The following ZPLD1 variants were observed in gnomAD, a reference collection of about 807,000 sequenced individuals.
The protein encoded by ZPLD1 is zona pellucida-like domain-containing protein 1.
In ZPLD1, 34 loss-of-function variants were observed where a neutral mutation model predicts 47.2. That is an observed-to-expected ratio of 0.72 (90% CI 0.55 to 0.96). The LOEUF (loss-of-function observed/expected upper bound fraction) is 0.96, where lower values mean the gene tolerates loss of function less well. Ranked by LOEUF, ZPLD1 falls within the 40% of genes least tolerant of loss-of-function variation. The pLI is 0.00. For synonymous variants in ZPLD1, 176 were observed against 186.2 expected, an observed-to-expected ratio of 0.95 and a Z score of 0.45; for missense variants, 512 against 505.8, an observed-to-expected ratio of 1.01 and a Z score of -0.12.
intron 8 of ZPLD1, among the ~76,000 whole-genome samples, chr3:102,420,621 T>A (rs2107305950): frequency 6.6e-6 from 1 of 151,972 alleles, no homozygotes; most frequent in Non-Finnish European, 1.5e-5. Context: ...TTTCAACCAT[T>A]TGAAAAATGT....
At chr3:102,388,455 C>CTG (rs55700835) in intron 6 of ZPLD1, among the ~76,000 whole-genome samples, 5,171 of 135,408 alleles carry the variant, frequency 0.038, 212 homozygotes, top group African/African-American at 0.11. Flanking sequence ...CTCTCTCTGT[C>CTG]TGTGTGTGTG....
intron 10 of ZPLD1, among the ~76,000 whole-genome samples, chr3:102,474,635 A>G (rs1411612736): frequency 6.6e-6 from 1 of 152,190 alleles, no homozygotes; most frequent in African/African-American, 2.4e-5. Flanking sequence ...AGAGAAAAAA[A>G]TTATTCTGCA....
At chr3:102,393,599 T>G (rs16845008) in intron 7 of ZPLD1, among the ~76,000 whole-genome samples, 1 of 151,600 alleles carries the variant, frequency 6.6e-6, no homozygotes, top group African/African-American at 2.4e-5. Context: ...CCTAACCTGA[T>G]GTATGCTGAG....
At chr3:102,442,162 G>A (rs1029446502) in intron 3 of ZPLD1, among the ~76,000 whole-genome samples, 1 of 152,056 alleles carries the variant, frequency 6.6e-6, no homozygotes, top group African/African-American at 2.4e-5. Context: ...AGTAAATGCT[G>A]TCAGAAAAAG....
At chr3:102,396,051 A>G (rs924414641) in intron 7 of ZPLD1, among the ~76,000 whole-genome samples, 1 of 152,080 alleles carries the variant, frequency 6.6e-6, no homozygotes, top group Non-Finnish European at 1.5e-5. Flanking sequence ...TTGTTAATTC[A>G]TGGTTCAATT....
chr3:102,466,330 A>G (rs935758479), intron 8 of ZPLD1, among the ~76,000 whole-genome samples: 1 of 152,190 alleles, frequency 6.6e-6, no homozygotes, highest in East Asian at 1.9e-4. Context: ...TAGGGGTCCT[A>G]AAAATTTTAG....
chr3:102,433,519 G>A (rs1301438918), upstream of ZPLD1, among the ~76,000 whole-genome samples: 1 of 152,084 alleles, frequency 6.6e-6, no homozygotes, highest in East Asian at 1.9e-4. Context: ...TTTTTGAAAA[G>A]AACAATATTC....
chr3:102,441,438 T>C (rs1688174258), intron 3 of ZPLD1, among the ~76,000 whole-genome samples: 1 of 152,112 alleles, frequency 6.6e-6, no homozygotes, highest in East Asian at 1.9e-4. Flanking sequence ...AATCTGTATC[T>C]TAAACCCTGC....
intron 7 of ZPLD1, among the ~76,000 whole-genome samples, chr3:102,399,808 G>A (rs1706599070): frequency 6.6e-6 from 1 of 151,800 alleles, no homozygotes; most frequent in South Asian, 2.1e-4. Flanking sequence ...CAGAGAGTTT[G>A]TTTGTTTGTT....
At chr3:102,402,804 T>C (rs1158072807) in intron 7 of ZPLD1, among the ~76,000 whole-genome samples, 1 of 151,992 alleles carries the variant, frequency 6.6e-6, no homozygotes, top group Non-Finnish European at 1.5e-5. Flanking sequence ...TCAGTCTGCA[T>C]TGTTAAATGT....
At chr3:102,453,399 A>T (rs182386911) in intron 4 of ZPLD1, among the ~76,000 whole-genome samples, 1 of 152,292 alleles carries the variant, frequency 6.6e-6, no homozygotes, top group Admixed American at 6.5e-5. Context: ...TGTGTGAGTG[A>T]CACTGACGGA....
chr3:102,430,115 G>A (rs1706999832), upstream of ZPLD1, among the ~76,000 whole-genome samples: 1 of 152,146 alleles, frequency 6.6e-6, no homozygotes, highest in South Asian at 2.1e-4. Flanking sequence ...TGCCTACAGG[G>A]AGACAACTTC....
intron 6 of ZPLD1, among the ~76,000 whole-genome samples, chr3:102,460,833 G>T (rs182112410): frequency 1.3e-5 from 2 of 151,960 alleles, no homozygotes; most frequent in East Asian, 1.9e-4. Flanking sequence ...GCATTCTTCT[G>T]CACAATAATG....
intron 2 of ZPLD1, 128 bp downstream of exon 2, chr3:102,437,101 G>A (rs1707103046): frequency 3.2e-6 from 1 of 309,892 alleles, no homozygotes; most frequent in Admixed American, 6.5e-5. Context: ...TGATGGCGCA[G>A]GTATGGCCAA....
rs1015385154 is a variant in ZPLD1, at chr3:102,477,587, T to G, written c.1217T>G (p.Leu406Trp). 6.2e-7 allele frequency: 1 copy of G among 1,613,076 alleles called. No homozygotes were observed. Among genetic ancestry groups the G allele is most frequent in the African/African-American group, 1.3e-5 (1 of 74,902 alleles). ...AGGAAGGGACCCACAAGTTTAGTGT[T>G]GAATGGCATAAGAAACCCAGTCTTT... ...LHRKGPTSLV[L>W]NGIRNPVFD is the part of the protein sequence containing the mutation. Residue 406 changes from leucine to tryptophan, a missense_variant, in exon 12 of 12, where the codon TTG (leucine) becomes TGG (tryptophan). Physicochemically the swap from Leu to Trp is moderately conservative, Grantham distance 61. Transcript: ENST00000466937.
chr3:102,449,449 G>A (rs1707304399), intron 3 of ZPLD1, among the ~76,000 whole-genome samples: 1 of 149,314 alleles, frequency 6.7e-6, no homozygotes. Flanking sequence ...AAAATACTAA[G>A]TGGAAAATTC....
intron 7 of ZPLD1, among the ~76,000 whole-genome samples, chr3:102,393,730 G>A (rs547957698): frequency 2.0e-5 from 3 of 151,930 alleles, no homozygotes; most frequent in Admixed American, 6.6e-5. Context: ...AAATATCTTT[G>A]GCATTTAAGC....
chr3:102,399,529 A>G (rs1158859214), intron 7 of ZPLD1, among the ~76,000 whole-genome samples: 1 of 151,984 alleles, frequency 6.6e-6, no homozygotes, highest in Non-Finnish European at 1.5e-5. Flanking sequence ...CTAGTTTGCT[A>G]GTTCTCGGTC....
At chr3:102,430,828 A>G (rs146977960), upstream of ZPLD1, among the ~76,000 whole-genome samples, 213 of 152,306 alleles carry the variant, frequency 1.4e-3, no homozygotes, top group African/African-American at 4.9e-3. Context: ...TTCTGATGTA[A>G]TAATACCAAT....
Sources: allele counts gnomAD v4.1 joint callset (sites outside exome capture counted in the v4.1 genomes callset), GRCh38; gene constraint gnomAD v4.1.1; transcripts MANE v1.5; gene names NCBI Gene and HGNC (gene_info 2026-07-23, HGNC 2026-07-21).